The following CRAMP1 variants were observed in gnomAD, a reference collection of about 807,000 sequenced individuals.
CRAMP1 encodes cramped chromatin regulator 1, also known as protein cramped-like.
In CRAMP1, 50 loss-of-function variants were observed where a neutral mutation model predicts 115.4. The ratio of observed to expected loss-of-function variants is 0.43; its 90% CI spans 0.35 to 0.55. The LOEUF (loss-of-function observed/expected upper bound fraction) is 0.55, where lower values mean the gene tolerates loss of function less well. CRAMP1 is among the 20% of genes least tolerant of loss of function. The pLI, the probability that CRAMP1 is intolerant of heterozygous loss-of-function variation, is 0.01. For missense variants in CRAMP1, 1,679 were observed against 1,721.7 expected (o/e 0.98, Z 0.44); for synonymous variants, 866 against 745.4 (o/e 1.16, Z -2.64).
At chr16:1,630,298 T>C (rs765891895) in intron 3 of CRAMP1, among the ~76,000 whole-genome samples, 35 of 151,970 alleles carry the variant, frequency 2.3e-4, no homozygotes, top group Non-Finnish European at 5.1e-4. Flanking sequence ...ACTACAGGCA[T>C]GTGCCACCAT....
At position 1,614,325 on chromosome 16, in the gene CRAMP1, C is replaced by T; in HGVS notation, c.-1-314C>T. Among the ~76,000 whole-genome samples, 1 of 143,734 alleles carries T rather than the reference C, an allele frequency of 7.0e-6. No individual in the cohort carries two copies. Among genetic ancestry groups the T allele is most frequent in the East Asian group, 2.0e-4 (1 of 4,886 alleles). The allele number at this position is 143,734 out of a possible 152,430, so 94.3% of individuals were successfully genotyped here. The stretch of plus-strand genomic sequence containing the variant: ...CTCCCATAGACCCCGGGGCCGGGGC[C>T]GGGGCCGGGGCCGGGCAGGGTCCGC... On this transcript the variant is annotated intron_variant, in intron 1 of 20. Transcript: ENST00000397412. The surrounding 1 kb of genome is among the most constrained non-coding windows in gnomAD (Gnocchi z 4.4).
At chr16:1,619,260 A>G (rs2036446424) in intron 2 of CRAMP1, among the ~76,000 whole-genome samples, 1 of 152,200 alleles carries the variant, frequency 6.6e-6, no homozygotes, top group Non-Finnish European at 1.5e-5. Flanking sequence ...AACTCACTGC[A>G]ATCTCCGCCT....
At chr16:1,667,491 C>T (rs528972312) in intron 17 of CRAMP1, 91 bp downstream of exon 17, 48 of 988,138 alleles carry the variant, frequency 4.9e-5, no homozygotes, top group Admixed American at 1.5e-4. Context: ...TGGAGTGGCC[C>T]GGCTTCTCTC....
chr16:1,665,729 G>A (rs1259405300), intron 14 of CRAMP1: 1 of 278,136 alleles, frequency 3.6e-6, no homozygotes, highest in Non-Finnish European at 6.8e-6. Context: ...TGCAGTGGCA[G>A]CATCTTAGTC....
intron 2 of CRAMP1, among the ~76,000 whole-genome samples, chr16:1,621,615 G>T (rs1458338509): frequency 6.6e-6 from 1 of 152,172 alleles, no homozygotes; most frequent in Non-Finnish European, 1.5e-5. Flanking sequence ...GCTTGGGGAG[G>T]CCCTTTATCT....
chr16:1,621,067 T>C (rs1732159484), intron 2 of CRAMP1, among the ~76,000 whole-genome samples: 1 of 152,240 alleles, frequency 6.6e-6, no homozygotes, highest in Admixed American at 6.5e-5. Flanking sequence ...ATACAGGTTC[T>C]GTTACTTCCA....
chr16:1,618,959 T>C lies in CRAMP1; in HGVS notation c.346+3974T>C, dbSNP rs377097328. On this transcript the variant is annotated intron_variant, in intron 2 of 20. Transcript: ENST00000397412. ...CTGCTTTTCAAATACCTGTATACTT[T>C]TGGTATTAAAACTAGTTTCTGTGGT... Among the ~76,000 whole-genome samples the C allele has an allele frequency of 3.9e-5, 6 of 152,346 alleles. No homozygotes were observed. In the East Asian group the frequency reaches 7.7e-4, roughly 20 times the overall value.
chr16:1,620,990 A>T (rs2036461458), intron 2 of CRAMP1, among the ~76,000 whole-genome samples: 2 of 152,016 alleles, frequency 1.3e-5, no homozygotes, highest in African/African-American at 4.8e-5. Context: ...TCTAAAATGG[A>T]GATAACTACC....
intron 6 of CRAMP1, among the ~76,000 whole-genome samples, chr16:1,643,813 G>T (rs553180777): frequency 6.6e-6 from 1 of 152,372 alleles, no homozygotes; most frequent in South Asian, 2.1e-4. Context: ...TCCAGGCCGC[G>T]TGTTGGGCAT....
At chr16:1,643,956 C>T (rs2036653654) in intron 6 of CRAMP1, among the ~76,000 whole-genome samples, 1 of 152,238 alleles carries the variant, frequency 6.6e-6, no homozygotes, top group African/African-American at 2.4e-5. Flanking sequence ...ATTGATTGTC[C>T]TTTTTCTTAA....
chr16:1,637,937 G>A (rs199980112), intron 5 of CRAMP1, 30 bp downstream of exon 5: 221 of 1,200,594 alleles, frequency 1.8e-4, no homozygotes, highest in Admixed American at 9.6e-4. Flanking sequence ...GGTTGCCCAC[G>A]GCTCCTCCTG....
intron 3 of CRAMP1, among the ~76,000 whole-genome samples, chr16:1,631,665 A>G (rs746110693): frequency 7.2e-5 from 11 of 152,206 alleles, no homozygotes; most frequent in Non-Finnish European, 1.3e-4. Context: ...TCTAAGTCAC[A>G]CTCAGCTTTT....
intron 2 of CRAMP1, chr16:1,620,515 C>G (rs2142169430): frequency 4.8e-6 from 2 of 412,896 alleles, no homozygotes; most frequent in South Asian, 1.7e-5. Context: ...CTTGATTTTA[C>G]TATTCCTAAC....
At chr16:1,667,444 G>A in intron 17 of CRAMP1, 44 bp downstream of exon 17, 1 of 1,526,950 alleles carries the variant, frequency 6.5e-7, no homozygotes, top group South Asian at 1.1e-5. Flanking sequence ...GCTGCCCCAG[G>A]ACTCCCTCCA....
intron 2 of CRAMP1, among the ~76,000 whole-genome samples, chr16:1,619,681 G>C (rs1451189004): frequency 6.6e-6 from 1 of 152,210 alleles, no homozygotes; most frequent in Non-Finnish European, 1.5e-5. Context: ...ATTTGTAGGA[G>C]GGGAAAGGGA....
chr16:1,670,249 G>A (rs2036910472), intron 19 of CRAMP1, among the ~76,000 whole-genome samples: 1 of 151,274 alleles, frequency 6.6e-6, no homozygotes, highest in South Asian at 2.1e-4. Context: ...GGGCAAGAGC[G>A]AGACCCTGCC....
chr16:1,632,104 A>G (rs1033770427), intron 3 of CRAMP1, 108 bp from the exon 4 acceptor site: 90 of 1,210,460 alleles, frequency 7.4e-5, no homozygotes, highest in Non-Finnish European at 9.6e-5. Flanking sequence ...TTGTTTGACT[A>G]CAGCCTGTCT....
chr16:1,613,250 A>T (rs1190613724), intron 1 of CRAMP1, among the ~76,000 whole-genome samples: 4 of 147,064 alleles, frequency 2.7e-5, no homozygotes, highest in African/African-American at 7.8e-5. Context: ...AGTTTTTTTT[A>T]AAACTAGCAT....
At chr16:1,651,794 TGA>T (rs1321210247) in intron 6 of CRAMP1, among the ~76,000 whole-genome samples, 3 of 143,574 alleles carry the variant, frequency 2.1e-5, no homozygotes, top group Admixed American at 1.4e-4. Flanking sequence ...AGAGGTGGAC[TGA>T]GAGGTCACAC....
Sources: gnomAD v4.1 joint callset for allele counts (sites outside exome capture counted in the v4.1 genomes callset) on GRCh38, gnomAD v4.1.1 for gene constraint, Gnocchi (gnomAD v3.1) non-coding constraint, MANE v1.5 for transcripts, NCBI Gene and HGNC (gene_info 2026-07-23, HGNC 2026-07-21) for gene names.